Variants in GRID2 observed in about 807,000 individuals in gnomAD.
GRID2 encodes the protein glutamate receptor ionotropic, delta-2.
A neutral mutation model predicts 114.8 loss-of-function variants in GRID2; 33 were observed. The observed-to-expected ratio is 0.29, with a 90% CI of 0.22 to 0.38. The LOEUF (loss-of-function observed/expected upper bound fraction) is 0.38, where lower values mean the gene tolerates loss of function less well. GRID2 is among the 10% of genes least tolerant of loss of function. The pLI is 1.00. For synonymous variants in GRID2, 505 were observed against 449.9 expected (o/e 1.12, Z -1.55); for missense variants, 1,184 against 1,257.7 (o/e 0.94, Z 0.89).
chr4:93,205,081 TA>T (rs1273069364), intron 4 of GRID2, among the ~76,000 whole-genome samples: 1 of 152,150 alleles, frequency 6.6e-6, no homozygotes, highest in Non-Finnish European at 1.5e-5. Context: ...GAAGTCTTTT[TA>T]ATCTAATGGA....
At chr4:92,312,734 A>G (rs1267202982) in intron 1 of GRID2, among the ~76,000 whole-genome samples, 1 of 152,060 alleles carries the variant, frequency 6.6e-6, no homozygotes, top group African/African-American at 2.4e-5. Flanking sequence ...GGAATATATC[A>G]TTGTAAATAT....
chr4:92,625,045 A>G (rs1237105953), intron 2 of GRID2, among the ~76,000 whole-genome samples: 1 of 151,668 alleles, frequency 6.6e-6, no homozygotes, highest in African/African-American at 2.4e-5. Context: ...CACTGTGATA[A>G]TATCTTTATA....
chr4:92,814,361 A>G (rs1034057223), intron 2 of GRID2, among the ~76,000 whole-genome samples: 8 of 152,154 alleles, frequency 5.3e-5, no homozygotes, highest in Non-Finnish European at 1.0e-4. Context: ...AGAATATAGT[A>G]ATAATAATTA....
chr4:92,761,901 A>G (rs573699015), intron 2 of GRID2, among the ~76,000 whole-genome samples: 5 of 152,236 alleles, frequency 3.3e-5, no homozygotes, highest in Admixed American at 1.3e-4. Context: ...TAATATTTCT[A>G]TATAATATGT....
intron 1 of GRID2, among the ~76,000 whole-genome samples, chr4:92,492,531 T>C (rs540732073): frequency 6.6e-6 from 1 of 152,312 alleles, no homozygotes; most frequent in Admixed American, 6.5e-5. Context: ...TAGAACATCC[T>C]TTCAGATATT....
At chr4:93,303,681 GT>G (rs1208726607) in intron 8 of GRID2, among the ~76,000 whole-genome samples, 1 of 152,106 alleles carries the variant, frequency 6.6e-6, no homozygotes, top group Non-Finnish European at 1.5e-5. Context: ...GCCTCTGTGT[GT>G]TTTTTTGTTT....
At chr4:93,625,423 T>A (rs1257551286) in intron 13 of GRID2, among the ~76,000 whole-genome samples, 3 of 152,226 alleles carry the variant, frequency 2.0e-5, no homozygotes, top group African/African-American at 7.2e-5. Flanking sequence ...ATAGTAAACA[T>A]TCGACCTTTC....
intron 1 of GRID2, among the ~76,000 whole-genome samples, chr4:92,397,124 A>C (rs1730528977): frequency 6.6e-6 from 1 of 152,074 alleles, no homozygotes; most frequent in Non-Finnish European, 1.5e-5. Context: ...GAAATTCTTT[A>C]AAATAATCAT....
At chr4:93,320,347 A>G (rs1159520292) in intron 8 of GRID2, among the ~76,000 whole-genome samples, 1 of 152,142 alleles carries the variant, frequency 6.6e-6, no homozygotes, top group Non-Finnish European at 1.5e-5. Flanking sequence ...AGGTTGGTAA[A>G]TTGATGAAGA....
chr4:93,784,017 A>C (rs375959678), intron 1 of GRID2, among the ~76,000 whole-genome samples: 1,992 of 127,844 alleles, frequency 0.016, 16 homozygotes, highest in Admixed American at 0.026. Flanking sequence ...GCTTGCAGTG[A>C]GCCGAGATCC....
At chr4:92,886,708 C>T (rs1203265307) in intron 2 of GRID2, among the ~76,000 whole-genome samples, 1 of 152,204 alleles carries the variant, frequency 6.6e-6, no homozygotes, top group Non-Finnish European at 1.5e-5. Context: ...TCACTGCAAG[C>T]TCTGCCTCCC....
chr4:93,065,378 C>G (rs1158344337), intron 2 of GRID2, among the ~76,000 whole-genome samples: 1 of 151,832 alleles, frequency 6.6e-6, no homozygotes, highest in East Asian at 1.9e-4. Flanking sequence ...TTTATTTACT[C>G]ACAGTAAGAG....
chr4:93,343,492 T>A (rs1759871463), intron 8 of GRID2, among the ~76,000 whole-genome samples: 1 of 152,080 alleles, frequency 6.6e-6, no homozygotes, highest in Admixed American at 6.6e-5. Context: ...TCAAAAAAGA[T>A]ACAGTGAAAG....
At chr4:93,448,537 G>T (rs1156229315) in intron 10 of GRID2, among the ~76,000 whole-genome samples, 4 of 151,834 alleles carry the variant, frequency 2.6e-5, no homozygotes, top group Admixed American at 6.6e-5. Context: ...TGGCCTCAAA[G>T]AAAACACTAT....
intron 2 of GRID2, among the ~76,000 whole-genome samples, chr4:92,625,924 C>T (rs1730500170): frequency 1.3e-5 from 2 of 151,876 alleles, no homozygotes; most frequent in Admixed American, 1.3e-4. Context: ...ATCTTTTATT[C>T]TGTGTACATT....
At chr4:93,513,959 T>C (rs1729446001) in intron 12 of GRID2, among the ~76,000 whole-genome samples, 1 of 152,120 alleles carries the variant, frequency 6.6e-6, no homozygotes, top group African/African-American at 2.4e-5. Flanking sequence ...GACCAAAAGA[T>C]CAGAGATATA....
At chr4:93,159,724 G>A (rs1737511865) in intron 4 of GRID2, among the ~76,000 whole-genome samples, 3 of 128,226 alleles carry the variant, frequency 2.3e-5, no homozygotes, top group Admixed American at 1.8e-4. Context: ...TTCTGTTTCA[G>A]TGTACTTCTA....
At chr4:92,788,537 G>A (rs1044648163) in intron 2 of GRID2, among the ~76,000 whole-genome samples, 2 of 151,900 alleles carry the variant, frequency 1.3e-5, no homozygotes, top group African/African-American at 4.8e-5. Context: ...ATGTTTTTCA[G>A]TGGTTCACAT....
At chr4:92,447,709 G>A (rs7668752) in intron 1 of GRID2, among the ~76,000 whole-genome samples, 54,976 of 152,046 alleles carry the variant, frequency 0.36, 11,035 homozygotes, top group African/African-American at 0.54. Flanking sequence ...GTGAGGGCTT[G>A]TCCTTTGGTT....
Sources: gnomAD v4.1 joint callset for allele counts (sites outside exome capture counted in the v4.1 genomes callset) on GRCh38, gnomAD v4.1.1 for gene constraint, MANE v1.5 for transcripts, NCBI Gene and HGNC (gene_info 2026-07-23, HGNC 2026-07-21) for gene names.